CYP19A1: variants seen among roughly 807,000 people sequenced by gnomAD.
The protein encoded by CYP19A1 is aromatase.
A neutral mutation model predicts 44.4 loss-of-function variants in CYP19A1; 32 were observed. The observed-to-expected ratio is 0.72, with a 90% CI of 0.54 to 0.97. The LOEUF is 0.97. Among genes scored for constraint, CYP19A1 ranks in the 50% least tolerant of loss-of-function variants. CYP19A1 has a pLI of 0.00. For missense variants in CYP19A1, 598 were observed against 637.8 expected (o/e 0.94, Z 0.67); for synonymous variants, 212 against 215.6 (o/e 0.98, Z 0.14).
chr15:51,312,102 T>C (rs892362179), intron 1 of CYP19A1: 1 of 152,174 alleles, frequency 6.6e-6, no homozygotes, highest in Non-Finnish European at 1.5e-5. Context: ...ATGGAGTTCA[T>C]AGCAACCAGA....
intron 1 of CYP19A1, among the ~76,000 whole-genome samples, chr15:51,291,751 C>T (rs892091951): frequency 4.6e-5 from 7 of 152,148 alleles, no homozygotes; most frequent in African/African-American, 1.7e-4. Context: ...TAGGTCAAAT[C>T]TCCAACACAG....
At chr15:51,276,842 C>T (rs1218543766) in intron 1 of CYP19A1, among the ~76,000 whole-genome samples, 1 of 152,134 alleles carries the variant, frequency 6.6e-6, no homozygotes, top group Non-Finnish European at 1.5e-5. Flanking sequence ...TATTGAGGTG[C>T]CTTTGCTTAG....
At chr15:51,266,096 C>T (rs2034909315) in intron 1 of CYP19A1, among the ~76,000 whole-genome samples, 1 of 152,204 alleles carries the variant, frequency 6.6e-6, no homozygotes, top group African/African-American at 2.4e-5. Context: ...CAGCCCAGAG[C>T]CAACTGAGGA....
At chr15:51,239,302 G>A (rs528503680) in intron 2 of CYP19A1, among the ~76,000 whole-genome samples, 5 of 152,214 alleles carry the variant, frequency 3.3e-5, no homozygotes, top group African/African-American at 1.2e-4. Context: ...TGCTTTCCAC[G>A]CCTTACAGAT....
At chr15:51,222,889 C>A (rs1005319394) in intron 4 of CYP19A1, among the ~76,000 whole-genome samples, 7 of 152,056 alleles carry the variant, frequency 4.6e-5, no homozygotes, top group Non-Finnish European at 1.0e-4. Flanking sequence ...TTATTGCATA[C>A]ATTTCCCTCC....
chr15:51,294,807 C>G (rs564833559), intron 1 of CYP19A1, among the ~76,000 whole-genome samples: 19 of 152,168 alleles, frequency 1.2e-4, no homozygotes, highest in African/African-American at 4.3e-4. Flanking sequence ...GGCCACCACC[C>G]CGTCTGGGAG....
At chr15:51,218,477 A>C in intron 6 of CYP19A1, 64 bp downstream of exon 6, 1 of 1,553,364 alleles carries the variant, frequency 6.4e-7, no homozygotes, top group Non-Finnish European at 8.7e-7. Flanking sequence ...AAAAACAGCA[A>C]AGACACAAGG....
chr15:51,276,945 A>G (rs2035330559), intron 1 of CYP19A1, among the ~76,000 whole-genome samples: 1 of 151,824 alleles, frequency 6.6e-6, no homozygotes, highest in African/African-American at 2.4e-5. Flanking sequence ...AAAGCATCCC[A>G]TTTTCTGGTT....
intron 1 of CYP19A1, among the ~76,000 whole-genome samples, chr15:51,294,397 C>T (rs1217240355): frequency 8.7e-4 from 132 of 151,044 alleles, no homozygotes; most frequent in African/African-American, 3.1e-3. Context: ...TGTCTCTGCC[C>T]GGCCGCCCCG....
At chr15:51,240,353 G>A (rs914639841) in intron 2 of CYP19A1, among the ~76,000 whole-genome samples, 1 of 152,018 alleles carries the variant, frequency 6.6e-6, no homozygotes, top group African/African-American at 2.4e-5. Context: ...TCTCAGTTTT[G>A]CCAACTACAA....
chr15:51,284,238 G>C (rs183652419), intron 1 of CYP19A1, among the ~76,000 whole-genome samples: 65 of 152,334 alleles, frequency 4.3e-4, no homozygotes, highest in African/African-American at 1.5e-3. Flanking sequence ...GGTTAATCAA[G>C]TGTCTGACAA....
Position 51,237,039 on chromosome 15 carries a change from T to C in CYP19A1, c.146-30A>G, listed in dbSNP as rs747402995. 3 of 1,613,800 alleles carry C rather than the reference T, an allele frequency of 1.9e-6. No homozygotes were observed. The South Asian group carries it at 3.3e-5, about 18-fold the overall frequency. On this transcript the variant is annotated intron_variant, in intron 2 of 9. Transcript: ENST00000396402. ...GACAGGTGTCAGAGCATAAGCAACATCTTAGTTACACCAAAAATTGCAACT... is the reference window on the plus strand; with the variant it reads ...GACAGGTGTCAGAGCATAAGCAACACCTTAGTTACACCAAAAATTGCAACT...
chr15:51,312,485 G>A (rs2036331882), intron 1 of CYP19A1: 1 of 152,330 alleles, frequency 6.6e-6, no homozygotes, highest in South Asian at 2.1e-4. Context: ...GAGAAGTGGA[G>A]GTTTTCCTCC....
rs1415999715 is a variant in CYP19A1, at chr15:51,214,287, C to T, written c.1021+783G>A. 2.0e-5 allele frequency among the ~76,000 whole-genome samples: 3 copies of T among 152,150 alleles called. No homozygotes were observed. In the South Asian group the frequency reaches 6.2e-4, roughly 32 times the overall value. ...CCCAGAAAGCAAGTTTGATTTCTTT[C>T]AAAGATGGCCTTGTTTCTGTAGAAG... On this transcript the variant is annotated intron_variant, in intron 8 of 9. Coordinates refer to ENST00000396402, the MANE Select transcript of CYP19A1 (RefSeq NM_000103.4).
At chr15:51,248,673 T>C (rs1055393635) in intron 1 of CYP19A1, among the ~76,000 whole-genome samples, 1 of 152,206 alleles carries the variant, frequency 6.6e-6, no homozygotes, top group African/African-American at 2.4e-5. Flanking sequence ...CTTTCAGAAC[T>C]GTATTCCGCT....
intron 1 of CYP19A1, among the ~76,000 whole-genome samples, chr15:51,290,286 G>A (rs1407859385): frequency 1.3e-5 from 2 of 152,206 alleles, no homozygotes; most frequent in Non-Finnish European, 2.9e-5. Flanking sequence ...AGCAGCCATG[G>A]TGGTGAACAG....
chr15:51,330,282 G>A (rs1373708227), intron 1 of CYP19A1, among the ~76,000 whole-genome samples: 1 of 152,154 alleles, frequency 6.6e-6, no homozygotes, highest in Non-Finnish European at 1.5e-5. Flanking sequence ...GGTGCACTTG[G>A]AGAAGTGGCA....
chr15:51,336,670 T>C (rs2036780737), intron 1 of CYP19A1, among the ~76,000 whole-genome samples: 1 of 152,214 alleles, frequency 6.6e-6, no homozygotes, highest in East Asian at 1.9e-4. Context: ...TATTCTTGAA[T>C]TTGATTTTAT....
At chr15:51,334,308 T>C (rs12440754) in intron 1 of CYP19A1, among the ~76,000 whole-genome samples, 23,701 of 152,194 alleles carry the variant, frequency 0.16, 2,045 homozygotes, top group South Asian at 0.26. Context: ...CTTGGGCAGA[T>C]CACTTAAACC....
Sources: gnomAD v4.1 joint callset for allele counts (sites outside exome capture counted in the v4.1 genomes callset) on GRCh38, gnomAD v4.1.1 for gene constraint, MANE v1.5 for transcripts, NCBI Gene and HGNC (gene_info 2026-07-23, HGNC 2026-07-21) for gene names.